CLCN5: variants seen among roughly 807,000 people sequenced by gnomAD.
CLCN5 encodes Cl-/H+ antiporter 5, also known as H(+)/Cl(-) exchange transporter 5.
CLCN5 carries 17 observed loss-of-function variants against 54.0 expected under a neutral mutation model. The ratio of observed to expected loss-of-function variants is 0.31; its 90% CI spans 0.22 to 0.47. The LOEUF (loss-of-function observed/expected upper bound fraction) is 0.47, where lower values mean the gene tolerates loss of function less well. CLCN5 is among the 20% of genes least tolerant of loss of function. The pLI is 1.00. For synonymous variants in CLCN5, 222 were observed against 233.0 expected (o/e 0.95, Z 0.43); for missense variants, 448 against 646.7 (o/e 0.69, Z 3.33).
intron 6 of CLCN5, among the ~76,000 whole-genome samples, chrX:50,075,484 T>C (rs1557192003): frequency 9.0e-6 from 1 of 110,994 alleles, no homozygotes; most frequent in East Asian, 2.8e-4. Flanking sequence ...CAAAATAGTG[T>C]TTTTGCCCTG....
At position 50,002,663 on chromosome X, in the gene CLCN5, G is replaced by GTC. The variant is rs1174801174; in HGVS notation, c.17-39635_17-39634dup. ...TCTCTCTGTCTCTGTCTCTGTCTCT[G>GTC]TCTCTCTCTCTCTCTCTCTGTGTGT... is the stretch of plus-strand genomic sequence containing the variant. On this transcript the variant is annotated intron_variant, in intron 3 of 14. Transcript: ENST00000376091. Among the ~76,000 whole-genome samples the GTC allele has an allele frequency of 8.1e-3, 750 of 92,697 alleles. 10 individuals are homozygous for GTC. The highest frequency in any genetic ancestry group is 0.032 in the African/African-American group (638 of 19,887). The allele number at this position is 92,697 out of a possible 115,157, so 80.5% of individuals were successfully genotyped here. A position where few individuals can be genotyped will look rare whatever the true frequency, so the allele number is the denominator to read the frequency against.
At chrX:49,975,808 T>C (rs182492747) in intron 3 of CLCN5, among the ~76,000 whole-genome samples, 1 of 112,120 alleles carries the variant, frequency 8.9e-6, no homozygotes, top group East Asian at 2.8e-4. Flanking sequence ...GACCAAATAA[T>C]GAGAAAGACC....
intron 3 of CLCN5, among the ~76,000 whole-genome samples, chrX:50,018,738 A>T (rs1930911015): frequency 8.9e-6 from 1 of 112,376 alleles, no homozygotes; most frequent in Non-Finnish European, 1.9e-5. Context: ...TAAGCCTGTT[A>T]ATATGCTAGA....
intron 7 of CLCN5, among the ~76,000 whole-genome samples, chrX:50,076,947 G>T (rs1557192205): frequency 8.9e-6 from 1 of 111,734 alleles, no homozygotes; most frequent in African/African-American, 3.3e-5. Context: ...AGCACACAAA[G>T]CAAAAAACTC....
At chrX:50,072,610 CA>C in intron 6 of CLCN5, 22 bp downstream of exon 6, 2 of 1,074,616 alleles carry the variant, frequency 1.9e-6, no homozygotes, top group Non-Finnish European at 2.6e-6. Context: ...TGTTAGTTTT[CA>C]AAACAAATCT....
chrX:50,079,282 C>G (rs1244463447), intron 7 of CLCN5, among the ~76,000 whole-genome samples: 1 of 111,842 alleles, frequency 8.9e-6, no homozygotes, highest in East Asian at 2.8e-4. Context: ...TAATGGAAAA[C>G]CTGTGTCAAA....
chrX:50,066,799 C>T (rs781894294), intron 4 of CLCN5, among the ~76,000 whole-genome samples: 1 of 112,299 alleles, frequency 8.9e-6, no homozygotes, highest in East Asian at 2.8e-4. Flanking sequence ...TCAGAAACAA[C>T]TCATTTTCTT....
intron 4 of CLCN5, among the ~76,000 whole-genome samples, chrX:50,066,614 C>T (rs1246116713): frequency 3.6e-5 from 4 of 111,467 alleles, no homozygotes; most frequent in South Asian, 3.8e-4. Context: ...TTTTCTTTAC[C>T]GGACTGACCT....
chrX:50,082,802 A>C (rs1195033787), intron 9 of CLCN5, among the ~76,000 whole-genome samples: 1 of 112,187 alleles, frequency 8.9e-6, no homozygotes, highest in African/African-American at 3.2e-5. Flanking sequence ...AGTACATATA[A>C]GTGCAGTGTA....
intron 3 of CLCN5, among the ~76,000 whole-genome samples, chrX:49,989,533 G>A (rs184757190): frequency 1.5e-3 from 167 of 112,190 alleles, no homozygotes; most frequent in African/African-American, 5.1e-3. Flanking sequence ...ATAATACATA[G>A]TAGGCACTTC....
intron 3 of CLCN5, among the ~76,000 whole-genome samples, chrX:50,031,533 A>T (rs1467201908): frequency 9.0e-6 from 1 of 110,844 alleles, no homozygotes; most frequent in Non-Finnish European, 1.9e-5. Flanking sequence ...TTTTTTACTC[A>T]TTTTCTCATG....
intron 3 of CLCN5, among the ~76,000 whole-genome samples, chrX:49,931,696 C>T (rs1318355564): frequency 1.8e-5 from 2 of 109,491 alleles, no homozygotes; most frequent in African/African-American, 3.3e-5. Flanking sequence ...TCAAGACTAG[C>T]GTGGGCAACA....
intron 3 of CLCN5, among the ~76,000 whole-genome samples, chrX:49,961,841 G>A (rs58704535): frequency 0.016 from 1,798 of 111,513 alleles, 33 homozygotes; most frequent in African/African-American, 0.054. Flanking sequence ...TGAATCTCCA[G>A]CGAAATCATT....
intron 3 of CLCN5, among the ~76,000 whole-genome samples, chrX:50,038,728 A>G (rs1303815080): frequency 4.5e-5 from 5 of 111,791 alleles, no homozygotes; most frequent in Non-Finnish European, 9.4e-5. Flanking sequence ...AGAAATTTGG[A>G]AAGTGGGAGC....
chrX:49,945,644 C>T (rs1302536303), intron 3 of CLCN5, among the ~76,000 whole-genome samples: 4 of 84,046 alleles, frequency 4.8e-5, no homozygotes, highest in African/African-American at 1.9e-4. Context: ...TTAGTAGAGA[C>T]GGGGTTTCAC....
At chrX:49,983,996 C>T (rs1928867417) in intron 3 of CLCN5, among the ~76,000 whole-genome samples, 2 of 110,766 alleles carry the variant, frequency 1.8e-5, no homozygotes, top group Admixed American at 9.6e-5. Context: ...CATTTTCTAA[C>T]ACAGTTAATT....
At chrX:49,942,159 T>C (rs1483927063) in intron 3 of CLCN5, among the ~76,000 whole-genome samples, 3 of 268 alleles carry the variant, frequency 0.011, no homozygotes, top group African/African-American at 0.028. Flanking sequence ...TTAGAATGAA[T>C]TCGAGTGGCA....
chrX:50,002,000 T>C (rs1929845731), intron 3 of CLCN5, among the ~76,000 whole-genome samples: 1 of 110,794 alleles, frequency 9.0e-6, no homozygotes, highest in African/African-American at 3.3e-5. Context: ...TGAGGTTGTC[T>C]TCTTACCTCA....
At chrX:49,941,141 G>C (rs1926306156) in intron 3 of CLCN5, among the ~76,000 whole-genome samples, 1 of 110,678 alleles carries the variant, frequency 9.0e-6, no homozygotes, top group Non-Finnish European at 1.9e-5. Context: ...TGGCCAACAT[G>C]GTGAAACTCC....
Sources: allele counts gnomAD v4.1 joint callset (sites outside exome capture counted in the v4.1 genomes callset), GRCh38; gene constraint gnomAD v4.1.1; transcripts MANE v1.5; gene names NCBI Gene and HGNC (gene_info 2026-07-23, HGNC 2026-07-21).